EPHB1: variants seen among roughly 807,000 people sequenced by gnomAD.
The protein encoded by EPHB1 is EPH receptor B1.
In EPHB1, 30 loss-of-function variants were observed where a neutral mutation model predicts 94.4. The ratio of observed to expected loss-of-function variants is 0.32; its 90% CI spans 0.24 to 0.43. The LOEUF (loss-of-function observed/expected upper bound fraction) is 0.43. Ranked by LOEUF, EPHB1 falls within the 20% of genes least tolerant of loss-of-function variation. EPHB1 has a pLI of 1.00. For synonymous variants in EPHB1, 522 were observed against 489.1 expected, an observed-to-expected ratio of 1.07 and a Z score of -0.89; for missense variants, 1,055 against 1,308.3, an observed-to-expected ratio of 0.81 and a Z score of 2.99.
At chr3:134,845,033 G>T (rs1224039425) in intron 1 of EPHB1, among the ~76,000 whole-genome samples, 7 of 152,200 alleles carry the variant, frequency 4.6e-5, no homozygotes, top group Admixed American at 6.5e-5. Context: ...CCAAGCAGGT[G>T]CCCAACAAAT....
chr3:135,040,266 A>C (rs571322816), intron 3 of EPHB1, among the ~76,000 whole-genome samples: 14 of 152,176 alleles, frequency 9.2e-5, no homozygotes, highest in African/African-American at 1.4e-4. Context: ...AGATACATAC[A>C]CTATAATGTG....
chr3:134,993,632 G>A lies in EPHB1; in HGVS notation c.805+41580G>A, dbSNP rs180996638. On this transcript the variant is annotated intron_variant, in intron 3 of 15. Coordinates refer to ENST00000398015, the MANE Select transcript of EPHB1 (RefSeq NM_004441.5). ...CAGTGTTGGCCTGCAGCATAGATGA[G>A]GGCTAGGAAGGAGCTTCCCTGAACT... is the stretch of plus-strand genomic sequence containing the variant. 2.6e-5 allele frequency among the ~76,000 whole-genome samples: 4 copies of A among 152,314 alleles called. No individual in the cohort carries two copies. In the East Asian group the frequency reaches 7.7e-4, roughly 29 times the overall value.
At chr3:135,191,511 G>A (rs1942455877) in intron 10 of EPHB1, among the ~76,000 whole-genome samples, 1 of 152,226 alleles carries the variant, frequency 6.6e-6, no homozygotes, top group Non-Finnish European at 1.5e-5. Flanking sequence ...TCAGCAGAAA[G>A]CCATGTTTCT....
At chr3:134,875,702 C>T (rs1346173871) in intron 1 of EPHB1, among the ~76,000 whole-genome samples, 1 of 152,178 alleles carries the variant, frequency 6.6e-6, no homozygotes, top group Non-Finnish European at 1.5e-5. Flanking sequence ...ATCGCTGTAC[C>T]TAAGTGAGAT....
intron 1 of EPHB1, among the ~76,000 whole-genome samples, chr3:134,873,075 T>C (rs756260704): frequency 3.4e-4 from 52 of 152,230 alleles, no homozygotes; most frequent in Non-Finnish European, 5.6e-4. Context: ...TATCTCAGCA[T>C]AGACTCTTAA....
At chr3:135,128,936 A>T (rs1417921022) in intron 4 of EPHB1, among the ~76,000 whole-genome samples, 1 of 152,066 alleles carries the variant, frequency 6.6e-6, no homozygotes, top group Non-Finnish European at 1.5e-5. Flanking sequence ...CAGGGGAATG[A>T]TACACCGCAG....
intron 2 of EPHB1, among the ~76,000 whole-genome samples, chr3:134,938,987 C>A (rs1357687805): frequency 6.6e-6 from 1 of 152,110 alleles, no homozygotes; most frequent in African/African-American, 2.4e-5. Flanking sequence ...AAACCCCCAC[C>A]CCTTTTTTGA....
chr3:134,960,919 C>T (rs1933492563), intron 3 of EPHB1, among the ~76,000 whole-genome samples: 1 of 113,254 alleles, frequency 8.8e-6, no homozygotes, highest in Non-Finnish European at 1.9e-5. Flanking sequence ...AGGGTCTCTA[C>T]ATCAGCACAC....
intron 3 of EPHB1, among the ~76,000 whole-genome samples, chr3:134,982,733 G>A (rs561267014): frequency 2.0e-5 from 3 of 152,200 alleles, no homozygotes; most frequent in African/African-American, 7.2e-5. Context: ...AAGGAAGAAA[G>A]GGCTACAAAG....
intron 9 of EPHB1, among the ~76,000 whole-genome samples, chr3:135,172,959 T>C (rs1488214944): frequency 1.3e-5 from 2 of 152,208 alleles, no homozygotes; most frequent in Admixed American, 1.3e-4. Flanking sequence ...TGGGCCTTGC[T>C]GGGAAGGACC....
At chr3:135,188,751 A>G (rs1448783798) in intron 10 of EPHB1, among the ~76,000 whole-genome samples, 1 of 152,102 alleles carries the variant, frequency 6.6e-6, no homozygotes, top group East Asian at 1.9e-4. Flanking sequence ...TTTCCTCCCA[A>G]CTGTACTCAG....
intron 3 of EPHB1, among the ~76,000 whole-genome samples, chr3:135,030,834 C>T (rs1936420003): frequency 6.6e-6 from 1 of 152,208 alleles, no homozygotes; most frequent in African/African-American, 2.4e-5. Context: ...TCGCTGCCGC[C>T]TTGCAGTTTG....
At chr3:135,210,074 A>G (rs1289126617) in intron 12 of EPHB1, among the ~76,000 whole-genome samples, 1 of 152,234 alleles carries the variant, frequency 6.6e-6, no homozygotes, top group East Asian at 1.9e-4. Context: ...TGGTTGAAGG[A>G]GTAGAAGAGT....
chr3:135,173,028 A>C (rs945987148), intron 9 of EPHB1, among the ~76,000 whole-genome samples: 51 of 150,892 alleles, frequency 3.4e-4, no homozygotes, highest in African/African-American at 1.2e-3. Context: ...TTTTTCTGAA[A>C]TAGTTTCTTT....
At chr3:135,148,134 G>T (rs1941073733) in intron 5 of EPHB1, among the ~76,000 whole-genome samples, 1 of 152,128 alleles carries the variant, frequency 6.6e-6, no homozygotes, top group Admixed American at 6.5e-5. Flanking sequence ...AATAAGCATT[G>T]TAATGTATTA....
At position 134,951,618 on chromosome 3, in the gene EPHB1, A is replaced by G. The variant is rs758021145; in HGVS notation, c.371A>G (p.Lys124Arg). Residue 124 changes from lysine (K) to arginine (R), a missense_variant, in exon 3 of 16, where the codon AAG becomes AGG. Physicochemically the swap from Lys to Arg is conservative, Grantham distance 26. Coordinates refer to ENST00000398015, the MANE Select transcript of EPHB1 (RefSeq NM_004441.5). The surrounding 1 kb of genome is among the most constrained non-coding windows in gnomAD (Gnocchi z 4.5). ...YYETDSVIATKKSAFWSEAPY... is the reference protein window; with the variant it reads ...YYETDSVIATRKSAFWSEAPY... ...GAGACTGACTCTGTCATTGCCACCA[A>G]GAAGTCAGCCTTCTGGTCTGAGGCC... is the stretch of plus-strand genomic sequence containing the variant. 1.1e-5 allele frequency: 18 copies of G among 1,613,998 alleles called. No homozygotes were observed. The highest frequency in any genetic ancestry group is 1.5e-5 in the Non-Finnish European group (18 of 1,179,990).
At chr3:134,862,532 A>G (rs145675329) in intron 1 of EPHB1, among the ~76,000 whole-genome samples, 231 of 151,972 alleles carry the variant, frequency 1.5e-3, no homozygotes, top group Non-Finnish European at 2.7e-3. Flanking sequence ...AAAATACTCA[A>G]TTAGAGTAAA....
chr3:135,216,491 AG>A (rs1943150669), intron 12 of EPHB1, among the ~76,000 whole-genome samples: 1 of 151,932 alleles, frequency 6.6e-6, no homozygotes, highest in South Asian at 2.1e-4. Flanking sequence ...GGGAGGCCAA[AG>A]TGGGCAGATC....
intron 1 of EPHB1, among the ~76,000 whole-genome samples, chr3:134,860,043 GT>G (rs531499101): frequency 2.3e-4 from 35 of 151,872 alleles, no homozygotes; most frequent in African/African-American, 8.0e-4. Flanking sequence ...TTTTCATATG[GT>G]TTTTTCTTTT....
Sources: allele counts gnomAD v4.1 joint callset (sites outside exome capture counted in the v4.1 genomes callset), GRCh38; gene constraint gnomAD v4.1.1; non-coding constraint Gnocchi (gnomAD v3.1); transcripts MANE v1.5; gene names NCBI Gene and HGNC (gene_info 2026-07-23, HGNC 2026-07-21).